EFR3B: variants seen among roughly 807,000 people sequenced by gnomAD.
EFR3B encodes the protein protein EFR3 homolog B.
EFR3B carries 64 observed loss-of-function variants against 104.7 expected under a neutral mutation model. The observed-to-expected ratio is 0.61, with a 90% confidence interval of 0.50 to 0.75. The LOEUF (loss-of-function observed/expected upper bound fraction) is 0.75. EFR3B is among the 30% of genes least tolerant of loss of function. EFR3B has a pLI of 0.00. For synonymous variants in EFR3B, 385 were observed against 417.9 expected, an observed-to-expected ratio of 0.92 and a Z score of 0.96; for missense variants, 750 against 1,078.5, an observed-to-expected ratio of 0.70 and a Z score of 4.27.
Position 25,143,732 on chromosome 2 carries a change from C to A in EFR3B, c.1923-3C>A, listed in dbSNP as rs1278940162. On this transcript the variant is annotated splice_polypyrimidine_tract_variant and splice_region_variant and intron_variant, in intron 17 of 22. Transcript: ENST00000403714. ...CGAACTTTCTCCCTCCTTCATCTTC[C>A]AGGCTGTCTCAGAATCTTGATGGGG... The A allele has an allele frequency of 1.3e-6, 2 of 1,551,280 alleles. No homozygotes were observed. Among genetic ancestry groups the A allele is most frequent in the African/African-American group, 2.7e-5 (2 of 72,996 alleles).
rs553772591 is a variant in EFR3B, at chr2:25,133,492, G to A, written c.1311+58G>A. 13 of 1,529,678 alleles carry A rather than the reference G, an allele frequency of 8.5e-6. No homozygotes were observed. In the East Asian group the frequency reaches 2.7e-4, roughly 32 times the overall value. The allele number at this position is 1,529,678 out of a possible 1,614,324, so 94.8% of individuals were successfully genotyped here. On this transcript the variant is annotated intron_variant, in intron 12 of 22. Transcript: ENST00000403714. ...CTCTGCAGGAGACAGCTCCTTCCAA[G>A]GGACCAAGTGAAGGCCTCCACATAC...
chr2:25,079,624 T>C (rs1668733984), intron 1 of EFR3B, among the ~76,000 whole-genome samples: 1 of 152,198 alleles, frequency 6.6e-6, no homozygotes, highest in African/African-American at 2.4e-5. Flanking sequence ...GAACTTTGTA[T>C]CCAACAATAA....
chr2:25,098,491 ATCT>A (rs1257424577), intron 3 of EFR3B, among the ~76,000 whole-genome samples: 1 of 152,126 alleles, frequency 6.6e-6, no homozygotes, highest in East Asian at 1.9e-4. Flanking sequence ...GCTGGTAGTA[ATCT>A]TCTAACTCGG....
chr2:25,083,472 T>G (rs2149180734), intron 1 of EFR3B, among the ~76,000 whole-genome samples: 1 of 152,322 alleles, frequency 6.6e-6, no homozygotes, highest in Admixed American at 6.5e-5. Context: ...TGTTTTTAGT[T>G]TCTTTTTAAT....
chr2:25,096,601 C>T (rs142824429), intron 3 of EFR3B, among the ~76,000 whole-genome samples: 192 of 152,276 alleles, frequency 1.3e-3, no homozygotes, highest in African/African-American at 4.4e-3. Context: ...CCACCACCCC[C>T]GCCACACCTG....
chr2:25,126,130 G>A (rs1199385311), intron 5 of EFR3B, among the ~76,000 whole-genome samples: 2 of 152,208 alleles, frequency 1.3e-5, no homozygotes, highest in African/African-American at 4.8e-5. Flanking sequence ...TTCTCCTGCG[G>A]CTTGCGCATG....
At position 25,137,964 on chromosome 2, in the gene EFR3B, G is replaced by A. The variant is rs1670564557; in HGVS notation, c.1722+462G>A. Among the ~76,000 whole-genome samples, 1 of 152,140 alleles carries A rather than the reference G, an allele frequency of 6.6e-6. No homozygotes were observed. The highest frequency in any genetic ancestry group is 1.5e-5 in the Non-Finnish European group (1 of 68,018). On this transcript the variant is annotated intron_variant, in intron 15 of 22. Transcript: ENST00000403714. The surrounding 1 kb of genome is among the most constrained non-coding windows in gnomAD (Gnocchi z 4.7). Reference sequence around the variant, plus strand: ...AGGTGGGTGGACCACTTGAGGTCAGGAGTTCAAGACCAGCCTGGCCAACAT... The same window carrying A: ...AGGTGGGTGGACCACTTGAGGTCAGAAGTTCAAGACCAGCCTGGCCAACAT...
intron 1 of EFR3B, among the ~76,000 whole-genome samples, chr2:25,059,148 T>C (rs1668110088): frequency 6.6e-6 from 1 of 151,402 alleles, no homozygotes; most frequent in South Asian, 2.1e-4. Flanking sequence ...AGTCTCGGTG[T>C]GTCTCCCAGG....
Position 25,157,711 on chromosome 2 carries a change from C to G in EFR3B, c.*3371C>G, listed in dbSNP as rs1026914194. ...TCAGGTGAATGGATAAGAGGCAGATCGGCAGAAAGCATCAGTGTGGTCCCG... is the reference window on the plus strand; with the variant it reads ...TCAGGTGAATGGATAAGAGGCAGATGGGCAGAAAGCATCAGTGTGGTCCCG... On this transcript the variant is annotated 3_prime_UTR_variant, in exon 23 of 23. Coordinates refer to ENST00000403714, the MANE Select transcript of EFR3B (RefSeq NM_014971.2). 6.6e-6 allele frequency: 1 copy of G among 152,256 alleles called. No individual in the cohort carries two copies. Among genetic ancestry groups the G allele is most frequent in the African/African-American group, 2.4e-5 (1 of 41,416 alleles). 9.4% of individuals were successfully genotyped at this position (152,256 alleles called of 1,614,324 possible). A position where few individuals can be genotyped will look rare whatever the true frequency, so the allele number is the denominator to read the frequency against.
At chr2:25,082,678 C>T (rs1313325817) in intron 1 of EFR3B, among the ~76,000 whole-genome samples, 1 of 152,174 alleles carries the variant, frequency 6.6e-6, no homozygotes, top group Non-Finnish European at 1.5e-5. Flanking sequence ...GTATGAGCAC[C>T]CCCTGCCACC....
In EFR3B at chr2:25,091,909, C is replaced by T. The variant is rs116726449; in HGVS notation, c.84+508C>T. ...CCACCTGTCAGGCTGCTTTGTGGGTCGTGGGCTGGGAAACATTGGGATCTG... is the reference window on the plus strand; with the variant it reads ...CCACCTGTCAGGCTGCTTTGTGGGTTGTGGGCTGGGAAACATTGGGATCTG... On this transcript the variant is annotated intron_variant, in intron 2 of 22. Coordinates refer to ENST00000403714, the MANE Select transcript of EFR3B (RefSeq NM_014971.2). Among the ~76,000 whole-genome samples, 918 of 152,088 alleles carry T rather than the reference C, an allele frequency of 6.0e-3. 10 individuals are homozygous for T. Among genetic ancestry groups the T allele is most frequent in the African/African-American group, 0.021 (879 of 41,508 alleles).
chr2:25,046,861 G>A (rs761736320), intron 1 of EFR3B, among the ~76,000 whole-genome samples: 2 of 152,114 alleles, frequency 1.3e-5, no homozygotes, highest in African/African-American at 2.4e-5. Context: ...TCCTCAGGGC[G>A]ATCCCACAGC....
At position 25,139,189 on chromosome 2, in the gene EFR3B, AG is replaced by A; in HGVS notation, c.1854+1del. Reference protein sequence around the residue: ...TVPAFCQHIHEVIETRKKEAP... With the variant: ...TVPAFCQHIHXVIETRKKEAP... ...CCTGCCTTCTGCCAGCACATCCATG[AG>A]GTTGGTGTTCTCACGACCAAGAGCT... On this transcript the variant is annotated frameshift_variant and splice_region_variant, in exon 16 of 23. Transcript: ENST00000403714. LOFTEE classifies it high-confidence loss of function. The A allele has an allele frequency of 6.4e-7, 1 of 1,550,524 alleles. No individual in the cohort carries two copies. Among genetic ancestry groups the A allele is most frequent in the Non-Finnish European group, 8.7e-7 (1 of 1,146,704 alleles).
intron 1 of EFR3B, among the ~76,000 whole-genome samples, chr2:25,059,572 C>CGGGGGGGGGGGGGGGGGGGGG (rs56219617): frequency 1.7e-5 from 1 of 60,258 alleles, no homozygotes; most frequent in African/African-American, 6.5e-5. Context: ...CCAGGGACTG[C>CGGGGGGGGGGGGGGGGGGGGG]GGGGGGGGGG....
At chr2:25,116,922 A>G (rs920649969) in intron 4 of EFR3B, among the ~76,000 whole-genome samples, 1 of 152,166 alleles carries the variant, frequency 6.6e-6, no homozygotes, top group Non-Finnish European at 1.5e-5. Flanking sequence ...TTTAATGTCA[A>G]TTCTGACCTT....
At chr2:25,134,321 CCACGCCTAGCTAATTTT>C (rs1231616656) in intron 12 of EFR3B, among the ~76,000 whole-genome samples, 7 of 152,124 alleles carry the variant, frequency 4.6e-5, no homozygotes, top group Admixed American at 1.3e-4. Flanking sequence ...CATGCCACCA[CCACGCCTAGCTAATTTT>C]TTTGTATTTT....
At chr2:25,057,093 T>G (rs766348929) in intron 1 of EFR3B, among the ~76,000 whole-genome samples, 4 of 152,166 alleles carry the variant, frequency 2.6e-5, no homozygotes, top group African/African-American at 4.8e-5. Context: ...CCAGAGGGAA[T>G]GTAGGTGCTG....
rs900259596 is a variant in EFR3B at position 25,042,407 on chromosome 2, C to T, written c.7+88C>T. ...CGGACCATTGTCCCCCTGCACGGCC[C>T]TGGCGCGGGGCCAGGCCGCTGACCT... On this transcript the variant is annotated intron_variant, in intron 1 of 22. Coordinates refer to ENST00000403714, the MANE Select transcript of EFR3B (RefSeq NM_014971.2). The surrounding 1 kb of genome is among the most constrained non-coding windows in gnomAD (Gnocchi z 5.4). 26 of 1,223,060 alleles carry T rather than the reference C, an allele frequency of 2.1e-5. No individual in the cohort carries two copies. Among genetic ancestry groups the T allele is most frequent in the Middle Eastern group, 3.1e-4 (1 of 3,218 alleles). The allele number at this position is 1,223,060 out of a possible 1,614,324, so 75.8% of individuals were successfully genotyped here.
rs1009955656 is a variant in EFR3B, at chr2:25,059,580, G to T, written c.7+17261G>T. On this transcript the variant is annotated intron_variant, in intron 1 of 22. Transcript: ENST00000403714. ...GAGGTTACCAGGGACTGCGGGGGGG[G>T]GGGGGGTGGAGATTGGGGAATTGTT... Among the ~76,000 whole-genome samples the T allele has an allele frequency of 2.3e-4, 34 of 145,774 alleles. 1 individual carries two copies. Among genetic ancestry groups the T allele is most frequent in the East Asian group, 4.3e-4 (2 of 4,676 alleles).
Sources: gnomAD v4.1 joint callset for allele counts (sites outside exome capture counted in the v4.1 genomes callset) on GRCh38, gnomAD v4.1.1 for gene constraint, Gnocchi (gnomAD v3.1) non-coding constraint, MANE v1.5 for transcripts, NCBI Gene and HGNC (gene_info 2026-07-23, HGNC 2026-07-21) for gene names.